Variants in PTK2 observed in about 807,000 individuals in gnomAD.
The protein encoded by PTK2 is protein tyrosine kinase 2.
In PTK2, 45 loss-of-function variants were observed where a neutral mutation model predicts 150.1. The ratio of observed to expected loss-of-function variants is 0.30; its 90% CI spans 0.24 to 0.38. The LOEUF (loss-of-function observed/expected upper bound fraction) is 0.38, where lower values mean the gene tolerates loss of function less well. Among genes scored for constraint, PTK2 ranks in the 10% least tolerant of loss-of-function variants. The probability of loss-of-function intolerance (pLI) is 1.00; values close to 1 mark genes in which losing one functional copy is unlikely to be tolerated. For synonymous variants in PTK2, 432 were observed against 449.2 expected, an observed-to-expected ratio of 0.96 and a Z score of 0.48; for missense variants, 919 against 1,307.3, an observed-to-expected ratio of 0.70 and a Z score of 4.58.
At chr8:140,999,574 A>C (rs983729199) in intron 1 of PTK2, among the ~76,000 whole-genome samples, 25 of 152,204 alleles carry the variant, frequency 1.6e-4, no homozygotes, top group African/African-American at 5.5e-4. Flanking sequence ...AACTGGATGA[A>C]AATATTATCT....
intron 14 of PTK2, among the ~76,000 whole-genome samples, chr8:140,765,592 T>C (rs1467211844): frequency 6.6e-6 from 1 of 152,248 alleles, no homozygotes; most frequent in African/African-American, 2.4e-5. Flanking sequence ...TAATCTATAT[T>C]ATTCTTATAC....
At chr8:140,671,287 T>C (rs1315760237) in intron 29 of PTK2, among the ~76,000 whole-genome samples, 15 of 152,164 alleles carry the variant, frequency 9.9e-5, no homozygotes, top group Admixed American at 9.8e-4. Flanking sequence ...AGTAGTGTGA[T>C]CTCAGCTCAC....
Position 140,846,698 on chromosome 8 carries a change from A to G in PTK2, c.451-20T>C. 2 of 1,564,986 alleles carry G rather than the reference A, an allele frequency of 1.3e-6. No individual in the cohort carries two copies. The highest frequency in any genetic ancestry group is 2.3e-5 in the South Asian group (2 of 86,852). ...CTTCACCTACAACAAAAGGAATGGG[A>G]AAAACAACACTGTTTTAAAAGAAAA... On this transcript the variant is annotated intron_variant, in intron 5 of 31. Coordinates refer to ENST00000522684, the Ensembl canonical transcript of PTK2.
chr8:140,845,234 C>A (rs908871290), intron 7 of PTK2, among the ~76,000 whole-genome samples: 2 of 152,012 alleles, frequency 1.3e-5, no homozygotes, highest in African/African-American at 4.8e-5. Context: ...GATGAGTCAG[C>A]GATGATCAAA....
intron 11 of PTK2, among the ~76,000 whole-genome samples, chr8:140,801,880 A>G (rs1330851060): frequency 6.6e-6 from 1 of 152,070 alleles, no homozygotes; most frequent in Non-Finnish European, 1.5e-5. Flanking sequence ...AAGAATTCCT[A>G]TTGCTAGGTA....
rs571917442 is a variant in PTK2, at chr8:140,693,216, CAGA to C, written c.2500-6525_2500-6523del. Among the ~76,000 whole-genome samples the C allele has an allele frequency of 8.0e-3, 1,221 of 152,142 alleles. 7 individuals carry two copies. Among genetic ancestry groups the C allele is most frequent in the Non-Finnish European group, 0.014 (923 of 67,992 alleles). On this transcript the variant is annotated intron_variant, in intron 26 of 31. Coordinates refer to ENST00000522684, the Ensembl canonical transcript of PTK2. ...AGCTTTCAGAGTATATTTGCAGGCACAGAACTATTTCAGAAAGGACAGTATCTG... is the reference window on the plus strand; with the variant it reads ...AGCTTTCAGAGTATATTTGCAGGCACACTATTTCAGAAAGGACAGTATCTG...
chr8:140,696,690 AG>A (rs2100026773), intron 26 of PTK2, among the ~76,000 whole-genome samples: 1 of 152,220 alleles, frequency 6.6e-6, no homozygotes, highest in African/African-American at 2.4e-5. Flanking sequence ...CAGCAGCATG[AG>A]AAAAGGCATG....
chr8:140,828,395 C>T lies in PTK2; in HGVS notation c.648+2077G>A, dbSNP rs142939202. On this transcript the variant is annotated intron_variant, in intron 8 of 31. Transcript: ENST00000522684. ...CTCTGGCTACACTCACACCATGGCA[C>T]CTGTGACCTGTACCTGTGGTTCCGT... is the stretch of plus-strand genomic sequence containing the variant. Among the ~76,000 whole-genome samples, 1,020 of 152,236 alleles carry T rather than the reference C, an allele frequency of 6.7e-3. 15 individuals carry two copies. The highest frequency in any genetic ancestry group is 0.023 in the African/African-American group (939 of 41,522).
intron 1 of PTK2, among the ~76,000 whole-genome samples, chr8:140,926,539 A>C (rs1273516505): frequency 1.3e-5 from 2 of 152,186 alleles, no homozygotes; most frequent in Admixed American, 1.3e-4. Context: ...TCCCCATGCA[A>C]CACCCTAATT....
intron 20 of PTK2, among the ~76,000 whole-genome samples, chr8:140,739,703 C>A (rs1335816966): frequency 6.6e-6 from 1 of 152,146 alleles, no homozygotes; most frequent in Non-Finnish European, 1.5e-5. Context: ...CCCAAGGCTG[C>A]CCCACTAACA....
chr8:140,926,280 A>G (rs2100169415), intron 1 of PTK2, among the ~76,000 whole-genome samples: 1 of 152,232 alleles, frequency 6.6e-6, no homozygotes, highest in Non-Finnish European at 1.5e-5. Flanking sequence ...ATTAAGTAAC[A>G]TATCTAATAT....
intron 4 of PTK2, among the ~76,000 whole-genome samples, chr8:140,875,202 C>T (rs941155077): frequency 1.3e-5 from 2 of 152,046 alleles, no homozygotes; most frequent in Non-Finnish European, 2.9e-5. Context: ...AGCAGAGTCA[C>T]ACCAAGTTCA....
At chr8:140,896,796 G>GT (rs1568397650) in intron 2 of PTK2, among the ~76,000 whole-genome samples, 1 of 127,686 alleles carries the variant, frequency 7.8e-6, no homozygotes, top group African/African-American at 2.5e-5. Context: ...AACGGGGGGG[G>GT]GGGGTGGGTA....
chr8:140,922,726 C>T lies in PTK2; in HGVS notation c.-33+2935G>A, dbSNP rs556874735. 1.4e-4 allele frequency among the ~76,000 whole-genome samples: 22 copies of T among 152,274 alleles called. No individual in the cohort carries two copies. The East Asian group carries it at 3.7e-3, about 25-fold the overall frequency. On this transcript the variant is annotated intron_variant, in intron 2 of 31. Transcript: ENST00000522684. ...CTAATTTTCACATCTTTTAAACAAA[C>T]TTGGTATTACAATTCTTTTAAAAAT...
intron 1 of PTK2, among the ~76,000 whole-genome samples, chr8:140,986,571 T>C (rs550467767): frequency 6.6e-6 from 1 of 152,268 alleles, no homozygotes; most frequent in African/African-American, 2.4e-5. Context: ...TTTAAGACAG[T>C]GCAGAGAGGG....
intron 22 of PTK2, 193 bp downstream of exon 25, chr8:140,735,058 A>G (rs1274073085): frequency 4.3e-5 from 26 of 609,124 alleles, no homozygotes; most frequent in Non-Finnish European, 7.2e-5. Flanking sequence ...TAAAATTTTA[A>G]AGATATAATT....
intron 1 of PTK2, among the ~76,000 whole-genome samples, chr8:140,928,347 A>G (rs538625779): frequency 6.6e-6 from 1 of 152,328 alleles, no homozygotes; most frequent in East Asian, 1.9e-4. Context: ...ACCCTTGTGT[A>G]TTGTTGGTGG....
At chr8:140,833,965 C>T (rs1199795621) in intron 7 of PTK2, among the ~76,000 whole-genome samples, 3 of 152,074 alleles carry the variant, frequency 2.0e-5, no homozygotes, top group Admixed American at 2.0e-4. Flanking sequence ...AATATACAAC[C>T]GCTAGTGATA....
intron 10 of PTK2, among the ~76,000 whole-genome samples, chr8:140,809,094 G>C (rs2100099899): frequency 6.6e-6 from 1 of 152,050 alleles, no homozygotes; most frequent in African/African-American, 2.4e-5. Flanking sequence ...CACATACCTA[G>C]AAAGGTAAGA....
Sources: gnomAD v4.1 joint callset for allele counts (sites outside exome capture counted in the v4.1 genomes callset) on GRCh38, gnomAD v4.1.1 for gene constraint, MANE v1.5 for transcripts, NCBI Gene and HGNC (gene_info 2026-07-23, HGNC 2026-07-21) for gene names.